Variants in CPT1B observed in about 807,000 individuals in gnomAD.
CPT1B encodes carnitine palmitoyltransferase 1B, also known as carnitine O-palmitoyltransferase 1, muscle isoform.
In CPT1B, 57 loss-of-function variants were observed where a neutral mutation model predicts 92.7. The observed-to-expected ratio is 0.62, with a 90% CI of 0.50 to 0.77. The LOEUF (loss-of-function observed/expected upper bound fraction) is 0.77, where lower values mean the gene tolerates loss of function less well. Ranked by LOEUF, CPT1B falls within the 30% of genes least tolerant of loss-of-function variation. CPT1B has a pLI of 0.00. For missense variants in CPT1B, 983 were observed against 1,017.4 expected (o/e 0.97, Z 0.46); for synonymous variants, 398 against 383.5 (o/e 1.04, Z -0.44).
intron 17 of CPT1B, 139 bp from the exon 18 acceptor site, chr22:50,569,807 C>T: frequency 1.4e-6 from 1 of 718,220 alleles, no homozygotes; most frequent in Non-Finnish European, 2.4e-6. Context: ...TCCTGAGGAC[C>T]ACCCCCAGGA....
rs200798217 is a variant in CPT1B, at chr22:50,573,684, G to A, written c.1002C>T (p.His334=). The A allele has an allele frequency of 1.5e-5, 25 of 1,613,006 alleles. No homozygotes were observed. Among genetic ancestry groups the A allele is most frequent in the African/African-American group, 9.3e-5 (7 of 75,050 alleles). The stretch of plus-strand genomic sequence containing the variant: ...AGCGTCCCTTGTGGTAGACAGCCAC[G>A]TGCCGGCTGTCTGAGAGGTGCTGTA... ...DVLQHLSDSR[H]VAVYHKGRFF... The change falls in exon 10 of 20, where the codon CAC becomes CAT. Residue 334 remains histidine (H), a synonymous_variant. Coordinates refer to ENST00000312108, the MANE Select transcript of CPT1B (RefSeq NM_152246.3). The surrounding 1 kb of genome is among the most constrained non-coding windows in gnomAD (Gnocchi z 5.0).
Position 50,572,306 on chromosome 22 carries a change from C to T in CPT1B, c.1355G>A (p.Trp452Ter). ...ALLHGNCYNR[W>*]FDKSFTLISF... is the part of the protein sequence containing the mutation. Reference sequence around the variant, plus strand: ...AATGAGAGTGAAGGATTTGTCAAACCACCTGCAGGAAGAGTAGACACATGA... The same window carrying T: ...AATGAGAGTGAAGGATTTGTCAAACTACCTGCAGGAAGAGTAGACACATGA... The change falls in exon 12 of 20, where the codon TGG (tryptophan) becomes TAG (stop). Residue 452 changes from tryptophan (W) to a stop codon, truncating the protein, a stop_gained and splice_region_variant. Coordinates refer to ENST00000312108, the MANE Select transcript of CPT1B (RefSeq NM_152246.3). LOFTEE classifies it high-confidence loss of function. The T allele has an allele frequency of 6.2e-7, 1 of 1,610,148 alleles. No individual in the cohort carries two copies. The highest frequency in any genetic ancestry group is 8.5e-7 in the Non-Finnish European group (1 of 1,176,628).
chr22:50,577,296 C>G, intron 3 of CPT1B, 28 bp downstream of exon 3: 1 of 1,612,444 alleles, frequency 6.2e-7, no homozygotes, highest in Non-Finnish European at 8.5e-7. Context: ...CCTGGTGGCA[C>G]CTGTGCCCTT....
chr22:50,569,369 T>C lies in CPT1B; in HGVS notation c.2288A>G (p.Asp763Gly). ...HIRKALLDIA[D>G]LFQVPKAYS is the part of the protein sequence containing the mutation. ...GTAGGCCTTGGGAACTTGGAAAAGA[T>C]CAGCAATGTCCAGCAGGGCTTTGCG... is the stretch of plus-strand genomic sequence containing the variant. Residue 763 changes from aspartate (D) to glycine (G), a missense_variant, in exon 19 of 20, where the codon GAT becomes GGT. Coordinates refer to ENST00000312108, the MANE Select transcript of CPT1B (RefSeq NM_152246.3). 1 of 1,614,144 alleles carries C rather than the reference T, an allele frequency of 6.2e-7. No homozygotes were observed. The highest frequency in any genetic ancestry group is 8.5e-7 in the Non-Finnish European group (1 of 1,180,020).
At position 50,573,710 on chromosome 22, in the gene CPT1B, G is replaced by C. The variant is rs760472405; in HGVS notation, c.976C>G (p.Leu326Val). The stretch of plus-strand genomic sequence containing the variant: ...TGCCGGCTGTCTGAGAGGTGCTGTA[G>C]CACATCTGTGATACAGGCCACGGGC... ...TRIPGKDTDV[L>V]QHLSDSRHVA... Residue 326 changes from leucine (L) to valine (V), a missense_variant, in exon 10 of 20, where the codon CTA becomes GTA. Leu to Val is a conservative substitution (Grantham distance 32, BLOSUM62 1). Coordinates refer to ENST00000312108, the MANE Select transcript of CPT1B (RefSeq NM_152246.3). The surrounding 1 kb of genome is among the most constrained non-coding windows in gnomAD (Gnocchi z 5.0). 47 of 1,611,892 alleles carry C rather than the reference G, an allele frequency of 2.9e-5. 1 individual carries two copies. The African/African-American group carries it at 3.9e-4, about 13-fold the overall frequency.
chr22:50,578,175 C>T (rs886426049), intron 1 of CPT1B: 19 of 162,284 alleles, frequency 1.2e-4, no homozygotes, highest in African/African-American at 1.7e-4. Context: ...GCCCCAAGGA[C>T]GGCGAAGGGC....
chr22:50,570,633 G>A (rs2070119823), intron 16 of CPT1B, among the ~76,000 whole-genome samples: 1 of 152,190 alleles, frequency 6.6e-6, no homozygotes, highest in African/African-American at 2.4e-5. Flanking sequence ...AGTCTCAGTA[G>A]TGCTGTCACC....
At position 50,573,093 on chromosome 22, in the gene CPT1B, G is replaced by A. The variant is rs199773251; in HGVS notation, c.1167-33C>T. 2.6e-4 allele frequency: 404 copies of A among 1,561,476 alleles called. 1 individual carries two copies. In the African/African-American group the frequency reaches 4.7e-3, roughly 18 times the overall value. On this transcript the variant is annotated intron_variant, in intron 10 of 19. Coordinates refer to ENST00000312108, the MANE Select transcript of CPT1B (RefSeq NM_152246.3). This position sits in a 1 kb window ranked among gnomAD's most constrained non-coding sequence, Gnocchi z 5.0. ...ATGGGGCAGGGTAAGCAGTGGGCAC[G>A]TGGACTTGGGATGAGGGTGCCTCTG... is the stretch of plus-strand genomic sequence containing the variant.
chr22:50,569,221 G>A (rs1427192368), intron 19 of CPT1B, 115 bp downstream of exon 19: 23 of 970,640 alleles, frequency 2.4e-5, no homozygotes, highest in Middle Eastern at 3.2e-4. Context: ...ACCTGCTGCC[G>A]GAGCTGTCCT....
Position 50,573,069 on chromosome 22 carries a change from TG to T in CPT1B, c.1167-10del. On this transcript the variant is annotated splice_polypyrimidine_tract_variant and intron_variant, in intron 10 of 19. Coordinates refer to ENST00000312108, the MANE Select transcript of CPT1B (RefSeq NM_152246.3). This position sits in a 1 kb window ranked among gnomAD's most constrained non-coding sequence, Gnocchi z 5.0. ...CCTGCGCCCACTCCACCCTGAAGCA[TG>T]GGGCAGGGTAAGCAGTGGGCACGTG... 1 of 1,589,682 alleles carries T rather than the reference TG, an allele frequency of 6.3e-7. No individual in the cohort carries two copies. Among genetic ancestry groups the T allele is most frequent in the Admixed American group, 1.7e-5 (1 of 59,556 alleles).
Position 50,576,015 on chromosome 22 carries a change from C to T in CPT1B, c.777+20G>A. On this transcript the variant is annotated intron_variant, in intron 7 of 19. Transcript: ENST00000312108. Reference sequence around the variant, plus strand: ...GACAGAGCTGAGCACGTGCGGGGACCTGGGGGCTCTAGTTCATACCATGAC... The same window carrying T: ...GACAGAGCTGAGCACGTGCGGGGACTTGGGGGCTCTAGTTCATACCATGAC... 3.1e-6 allele frequency: 5 copies of T among 1,612,870 alleles called. No individual in the cohort carries two copies. Among genetic ancestry groups the T allele is most frequent in the Non-Finnish European group, 4.2e-6 (5 of 1,178,938 alleles).
intron 13 of CPT1B, 200 bp from the exon 14 acceptor site, chr22:50,571,739 G>A (rs1339721947): frequency 7.5e-6 from 5 of 664,186 alleles, no homozygotes; most frequent in South Asian, 5.6e-5. Flanking sequence ...TAAGAGGGAA[G>A]TGCTGAAAAT....
Position 50,569,436 on chromosome 22 carries a change from A to G in CPT1B, c.2236-15T>C. 1.2e-6 allele frequency: 2 copies of G among 1,613,896 alleles called. No individual in the cohort carries two copies. The highest frequency in any genetic ancestry group is 1.7e-6 in the Non-Finnish European group (2 of 1,179,866). ...CGCTGGGCGTTCTGTGGGAGCCAAG[A>G]GTTCAGATGCACCTTCAGATATGTA... On this transcript the variant is annotated splice_polypyrimidine_tract_variant and intron_variant, in intron 18 of 19. Transcript: ENST00000312108.
rs2070297164 is a variant in CPT1B, at chr22:50,573,690, G to A, written c.996C>T (p.Ser332=). 3 of 1,612,838 alleles carry A rather than the reference G, an allele frequency of 1.9e-6. No individual in the cohort carries two copies. Among genetic ancestry groups the A allele is most frequent in the Non-Finnish European group, 2.5e-6 (3 of 1,179,882 alleles). The change falls in exon 10 of 20, where the codon AGC becomes AGT. Residue 332 remains serine, a synonymous_variant. Transcript: ENST00000312108. The surrounding 1 kb of genome is among the most constrained non-coding windows in gnomAD (Gnocchi z 5.0). ...CCTTGTGGTAGACAGCCACGTGCCG[G>A]CTGTCTGAGAGGTGCTGTAGCACAT... The part of the protein sequence containing the change: ...DTDVLQHLSD[S]RHVAVYHKGR...
chr22:50,576,732 C>T, intron 4 of CPT1B, 95 bp from the exon 5 acceptor site: 1 of 1,558,618 alleles, frequency 6.4e-7, no homozygotes. Flanking sequence ...ATCCCAGCCC[C>T]TCCAGGACAA....
At chr22:50,574,822 A>G (rs1376335511) in intron 7 of CPT1B, 3 of 527,594 alleles carry the variant, frequency 5.7e-6, no homozygotes, top group African/African-American at 1.9e-5. Context: ...TATTTTTTAG[A>G]GTTAGGGTCT....
At position 50,573,417 on chromosome 22, in the gene CPT1B, G is replaced by A; in HGVS notation, c.1166+103C>T. The A allele has an allele frequency of 9.6e-7, 1 of 1,036,910 alleles. No homozygotes were observed. The highest frequency in any genetic ancestry group is 1.6e-5 in the South Asian group (1 of 63,644). 64.2% of individuals were successfully genotyped at this position (1,036,910 alleles called of 1,614,324 possible). A position where few individuals can be genotyped will look rare whatever the true frequency, so the allele number is the denominator to read the frequency against. On this transcript the variant is annotated intron_variant, in intron 10 of 19. Transcript: ENST00000312108. This position sits in a 1 kb window ranked among gnomAD's most constrained non-coding sequence, Gnocchi z 5.0. ...GACCACCAATGCCCCTCCCCTAGTT[G>A]TGCCTCCAGCCTCCAGTTCCAGGGT...
rs747237718 is a variant in CPT1B, at chr22:50,577,898, C to G, written c.18G>C (p.Gln6His). ...TCACCGTGAACTGGAAGGCCACGGC[C>G]TGGTGAGCTTCCGCCATCCTGGGGG... MAEAH[Q>H]AVAFQFTVTP... The change falls in exon 2 of 20, where the codon CAG becomes CAC. Residue 6 changes from glutamine to histidine, a missense_variant. Coordinates refer to ENST00000312108, the MANE Select transcript of CPT1B (RefSeq NM_152246.3). 3.7e-6 allele frequency: 6 copies of G among 1,611,766 alleles called. No individual in the cohort carries two copies. In the East Asian group the frequency reaches 1.1e-4, roughly 30 times the overall value.
chr22:50,573,411 C>G lies in CPT1B; in HGVS notation c.1166+109G>C, dbSNP rs1022311589. On this transcript the variant is annotated intron_variant, in intron 10 of 19. Transcript: ENST00000312108. The surrounding 1 kb of genome is among the most constrained non-coding windows in gnomAD (Gnocchi z 5.0). ...TGCCATGACCACCAATGCCCCTCCC[C>G]TAGTTGTGCCTCCAGCCTCCAGTTC... is the stretch of plus-strand genomic sequence containing the variant. 8 of 975,038 alleles carry G rather than the reference C, an allele frequency of 8.2e-6. No individual in the cohort carries two copies. The highest frequency in any genetic ancestry group is 1.2e-5 in the Non-Finnish European group (8 of 659,596). The allele number at this position is 975,038 out of a possible 1,614,324, so 60.4% of individuals were successfully genotyped here.
Sources: gnomAD v4.1 joint callset for allele counts (sites outside exome capture counted in the v4.1 genomes callset) on GRCh38, gnomAD v4.1.1 for gene constraint, Gnocchi (gnomAD v3.1) non-coding constraint, MANE v1.5 for transcripts, NCBI Gene and HGNC (gene_info 2026-07-23, HGNC 2026-07-21) for gene names.